PRKCH: variants seen among roughly 807,000 people sequenced by gnomAD.
The protein encoded by PRKCH is protein kinase C eta, also known as protein kinase C eta type.
A neutral mutation model predicts 82.5 loss-of-function variants in PRKCH; 28 were observed. The ratio of observed to expected loss-of-function variants is 0.34; its 90% CI spans 0.25 to 0.47. PRKCH has a LOEUF of 0.47. Among genes scored for constraint, PRKCH ranks in the 20% least tolerant of loss-of-function variants. PRKCH has a pLI of 1.00. For synonymous variants in PRKCH, 322 were observed against 327.4 expected (o/e 0.98, Z 0.18); for missense variants, 705 against 881.8 (o/e 0.80, Z 2.54).
intron 2 of PRKCH, among the ~76,000 whole-genome samples, chr14:61,398,552 C>T (rs1012659720): frequency 2.6e-5 from 4 of 152,102 alleles, no homozygotes; most frequent in Non-Finnish European, 5.9e-5. Flanking sequence ...AAATGGTTGG[C>T]CCACAAATAA....
At chr14:61,327,082 G>C (rs1469567991) in intron 1 of PRKCH, 2 of 455,932 alleles carry the variant, frequency 4.4e-6, no homozygotes, top group African/African-American at 4.0e-5. Flanking sequence ...GGAAGGACTG[G>C]CTTGGCAGGA....
At chr14:61,505,440 T>C (rs1450486525) in intron 10 of PRKCH, among the ~76,000 whole-genome samples, 1 of 130,416 alleles carries the variant, frequency 7.7e-6, no homozygotes, top group Non-Finnish European at 1.6e-5. Context: ...GGAGTCTTGC[T>C]CTATCGCCCA....
chr14:61,190,773 C>G (rs1336798506), intron 1 of PRKCH, among the ~76,000 whole-genome samples: 1 of 152,148 alleles, frequency 6.6e-6, no homozygotes, highest in Non-Finnish European at 1.5e-5. Flanking sequence ...ACTCTCTTCC[C>G]CGATGGACTC....
At chr14:61,413,824 T>C (rs1397817819) in intron 2 of PRKCH, among the ~76,000 whole-genome samples, 1 of 152,180 alleles carries the variant, frequency 6.6e-6, no homozygotes, top group Non-Finnish European at 1.5e-5. Context: ...ACTTAAGCTC[T>C]CTGGCTTCCC....
chr14:61,472,728 A>G (rs1885560391), intron 9 of PRKCH, among the ~76,000 whole-genome samples: 1 of 152,232 alleles, frequency 6.6e-6, no homozygotes, highest in Admixed American at 6.5e-5. Context: ...AAAAAACAAC[A>G]AAACAAAAAG....
chr14:61,309,716 G>A (rs2045507069), intron 1 of PRKCH, among the ~76,000 whole-genome samples: 1 of 152,160 alleles, frequency 6.6e-6, no homozygotes, highest in South Asian at 2.1e-4. Flanking sequence ...AAAAGGTCAT[G>A]AATGGAAGAT....
chr14:61,423,090 G>A (rs1882940406), intron 2 of PRKCH, among the ~76,000 whole-genome samples: 1 of 152,170 alleles, frequency 6.6e-6, no homozygotes, highest in Non-Finnish European at 1.5e-5. Context: ...ATTCATAGGT[G>A]ATTCCGAGGC....
In PRKCH at chr14:61,453,461, C is replaced by A. The variant is rs1884607857; in HGVS notation, c.960+108C>A. 8 of 1,193,782 alleles carry A rather than the reference C, an allele frequency of 6.7e-6. No individual in the cohort carries two copies. The South Asian group carries it at 1.2e-4, about 18-fold the overall frequency. 73.9% of individuals were successfully genotyped at this position (1,193,782 alleles called of 1,614,324 possible). ...TCAAAGTTCCTAATCTTAGCAAATA[C>A]AATAAACAGACTTATTGCCTTTCTT... On this transcript the variant is annotated intron_variant, in intron 7 of 13. Coordinates refer to ENST00000332981, the MANE Select transcript of PRKCH (RefSeq NM_006255.5).
At chr14:61,354,870 G>A (rs1297533375) in intron 1 of PRKCH, among the ~76,000 whole-genome samples, 2 of 152,178 alleles carry the variant, frequency 1.3e-5, no homozygotes, top group Non-Finnish European at 2.9e-5. Flanking sequence ...TCTGAGAACA[G>A]GTTTTATGTC....
chr14:61,457,376 T>A, intron 8 of PRKCH, 57 bp downstream of exon 8: 2 of 1,423,286 alleles, frequency 1.4e-6, no homozygotes, highest in Non-Finnish European at 1.9e-6. Context: ...GTATGGGGGG[T>A]GTGTGTGTGT....
chr14:61,467,556 C>T (rs747515170), intron 9 of PRKCH, among the ~76,000 whole-genome samples: 20 of 152,298 alleles, frequency 1.3e-4, no homozygotes, highest in Admixed American at 3.9e-4. Flanking sequence ...TGACACCCAG[C>T]GCAAGGGGAA....
intron 7 of PRKCH, 111 bp downstream of exon 7, chr14:61,453,464 TAA>T: frequency 8.9e-7 from 1 of 1,128,180 alleles, no homozygotes; most frequent in Non-Finnish European, 1.2e-6. Context: ...GCAAATACAA[TAA>T]ACAGACTTAT....
intron 12 of PRKCH, among the ~76,000 whole-genome samples, chr14:61,533,740 G>A (rs561758359): frequency 6.6e-6 from 1 of 152,372 alleles, no homozygotes; most frequent in East Asian, 1.9e-4. Context: ...GATAACATGT[G>A]TGGGTGCCTG....
chr14:61,295,418 G>C (rs2045398410), intron 1 of PRKCH, among the ~76,000 whole-genome samples: 1 of 152,152 alleles, frequency 6.6e-6, no homozygotes, highest in African/African-American at 2.4e-5. Context: ...GTCAGTCCCT[G>C]GCCAGCTAGA....
chr14:61,468,201 G>A (rs1404497018), intron 9 of PRKCH, among the ~76,000 whole-genome samples: 2 of 152,180 alleles, frequency 1.3e-5, no homozygotes, highest in Non-Finnish European at 2.9e-5. Context: ...CCTGAGCAGT[G>A]GCTGCTACAA....
intron 10 of PRKCH, among the ~76,000 whole-genome samples, chr14:61,511,974 G>C (rs534880866): frequency 1.2e-4 from 19 of 152,238 alleles, no homozygotes; most frequent in Middle Eastern, 3.4e-3. Context: ...AGATCAGACA[G>C]GTAAAATGTT....
At chr14:61,372,014 G>A (rs2046369426) in intron 1 of PRKCH, among the ~76,000 whole-genome samples, 1 of 151,892 alleles carries the variant, frequency 6.6e-6, no homozygotes, top group Admixed American at 6.6e-5. Context: ...TTGGTTTTTG[G>A]GAGCTGTTTC....
At chr14:61,234,066 A>G (rs1483897476) in intron 1 of PRKCH, among the ~76,000 whole-genome samples, 1 of 151,862 alleles carries the variant, frequency 6.6e-6, no homozygotes, top group Non-Finnish European at 1.5e-5. Context: ...CCCTCAATCC[A>G]CTCCTATTTA....
rs112575272 is a variant in PRKCH at position 61,261,281 on chromosome 14, G to A, written c.-19+73613G>A. Among the ~76,000 whole-genome samples the A allele has an allele frequency of 2.6e-3, 394 of 152,308 alleles. 1 individual carries two copies. Among genetic ancestry groups the A allele is most frequent in the African/African-American group, 8.2e-3 (341 of 41,562 alleles). ...AAGGGAAAAAAATCAATAAAGTGGT[G>A]GCCTGGCCAGCAGTAGGGAATAGTT... On this transcript the variant is annotated intron_variant, in intron 1 of 3. Transcript: ENST00000555185.
Sources: gnomAD v4.1 joint callset for allele counts (sites outside exome capture counted in the v4.1 genomes callset) on GRCh38, gnomAD v4.1.1 for gene constraint, MANE v1.5 for transcripts, NCBI Gene and HGNC (gene_info 2026-07-23, HGNC 2026-07-21) for gene names.